TMEM50B: variants seen among roughly 807,000 people sequenced by gnomAD.
The protein encoded by TMEM50B is transmembrane protein 50B.
TMEM50B carries 14 observed loss-of-function variants against 23.4 expected under a neutral mutation model. The ratio of observed to expected loss-of-function variants is 0.60; its 90% CI spans 0.39 to 0.93. The LOEUF (loss-of-function observed/expected upper bound fraction) is 0.93, where lower values mean the gene tolerates loss of function less well. Ranked by LOEUF, TMEM50B falls within the 40% of genes least tolerant of loss-of-function variation. The pLI is 0.00. For synonymous variants in TMEM50B, 64 were observed against 62.3 expected (o/e 1.03, Z -0.13); for missense variants, 159 against 193.0 (o/e 0.82, Z 1.04).
chr21:33,446,232 T>A (rs912812483), downstream of TMEM50B, among the ~76,000 whole-genome samples: 11 of 134,370 alleles, frequency 8.2e-5, no homozygotes, highest in African/African-American at 2.9e-4. Context: ...TTATTTTTTT[T>A]ATTTTTTATT....
chr21:33,473,654 CA>C (rs145070351), intron 1 of TMEM50B, among the ~76,000 whole-genome samples: 1,615 of 118,912 alleles, frequency 0.014, 29 homozygotes, highest in African/African-American at 0.049. Flanking sequence ...GACCTTGTCT[CA>C]AAAAAAAAAA....
At position 33,442,215 on chromosome 21, in the gene TMEM50B, A is replaced by G. The variant is rs546740923; in HGVS notation, c.*2037-2918T>C. On this transcript the variant is annotated intron_variant and NMD_transcript_variant, in intron 7 of 8. Coordinates refer to the TMEM50B transcript ENST00000420455. ...GACTCCACCCCAGCAGCTTCCGGAG[A>G]TGCAGTCATGCCTCCCCACCCTTCA... Among the ~76,000 whole-genome samples, 7 of 152,202 alleles carry G rather than the reference A, an allele frequency of 4.6e-5. 1 individual carries two copies. The highest frequency in any genetic ancestry group is 1.4e-4 in the African/African-American group (6 of 41,512).
At chr21:33,466,404 A>C (rs2084264742) in intron 3 of TMEM50B, among the ~76,000 whole-genome samples, 1 of 152,230 alleles carries the variant, frequency 6.6e-6, no homozygotes, top group Non-Finnish European at 1.5e-5. Context: ...AATTTAATAA[A>C]AACAAAAGCC....
intron 6 of TMEM50B, among the ~76,000 whole-genome samples, chr21:33,453,668 C>T (rs773163530): frequency 6.6e-6 from 1 of 151,962 alleles, no homozygotes; most frequent in African/African-American, 2.4e-5. Context: ...CACAGTACAT[C>T]GTAATCAAAT....
chr21:33,432,975 T>G (rs1601093188), intron 8 of TMEM50B: 2 of 980,952 alleles, frequency 2.0e-6, no homozygotes, highest in South Asian at 2.8e-5. Context: ...AGCCTCCATC[T>G]CCCAGGTTCA....
chr21:33,468,855 G>A lies in TMEM50B; in HGVS notation c.31C>T (p.Pro11Ser). The A allele has an allele frequency of 6.2e-7, 1 of 1,613,456 alleles. No homozygotes were observed. The highest frequency in any genetic ancestry group is 8.5e-7 in the Non-Finnish European group (1 of 1,179,888). Residue 11 changes from proline (P) to serine (S), a missense_variant, in exon 2 of 7, where the codon CCA (proline) becomes TCA (serine). Coordinates refer to ENST00000542230, the MANE Select transcript of TMEM50B (RefSeq NM_006134.7). MAGFLDNFRW[P>S]ECECIDWSER... ...CTCCAGTCAATACATTCACATTCTG[G>A]CCAACGAAAATTATCTAGGAAGCCT...
intron 4 of TMEM50B, among the ~76,000 whole-genome samples, chr21:33,464,291 G>A (rs60635580): frequency 0.034 from 5,069 of 150,626 alleles, 312 homozygotes; most frequent in African/African-American, 0.12. Context: ...TCTGCCTCCC[G>A]GGTTCAAGCG....
chr21:33,478,427 A>G (rs1242136110), intron 1 of TMEM50B, among the ~76,000 whole-genome samples: 3 of 152,150 alleles, frequency 2.0e-5, no homozygotes, highest in Non-Finnish European at 4.4e-5. Context: ...AGATCGGGCC[A>G]CTGTACTTGT....
intron 8 of TMEM50B, among the ~76,000 whole-genome samples, chr21:33,433,477 C>T (rs1341886397): frequency 6.6e-6 from 1 of 152,170 alleles, no homozygotes; most frequent in Non-Finnish European, 1.5e-5. Flanking sequence ...CACACATGGA[C>T]CTTGAGGACA....
At position 33,450,721 on chromosome 21, in the gene TMEM50B, T is replaced by G. The variant is rs1385568627; in HGVS notation, c.*97A>C. 1.1e-6 allele frequency: 1 copy of G among 873,864 alleles called. No individual in the cohort carries two copies. The highest frequency in any genetic ancestry group is 1.8e-6 in the Non-Finnish European group (1 of 555,308). The allele number at this position is 873,864 out of a possible 1,614,324, so 54.1% of individuals were successfully genotyped here. On this transcript the variant is annotated 3_prime_UTR_variant, in exon 7 of 7. Transcript: ENST00000542230. ...AAATGTAAAGAAACAAAACATTTAA[T>G]GTACAATCTACTCCATTTGGCAATG...
At chr21:33,474,949 C>T (rs557018762) in intron 1 of TMEM50B, among the ~76,000 whole-genome samples, 1 of 151,016 alleles carries the variant, frequency 6.6e-6, no homozygotes, top group African/African-American at 2.4e-5. Context: ...ACCCCCAAGA[C>T]AGAGTCTCTC....
chr21:33,467,550 G>A (rs1466066421), intron 2 of TMEM50B, among the ~76,000 whole-genome samples: 1 of 152,186 alleles, frequency 6.6e-6, no homozygotes, highest in Non-Finnish European at 1.5e-5. Flanking sequence ...CTTAAACCCA[G>A]GAGGTGGAGG....
chr21:33,460,248 A>G, intron 5 of TMEM50B, 165 bp downstream of exon 5: 1 of 614,230 alleles, frequency 1.6e-6, no homozygotes, highest in Middle Eastern at 4.2e-4. Context: ...TACTGCACTA[A>G]GTGTTCCCAC....
intron 1 of TMEM50B, among the ~76,000 whole-genome samples, 158 bp downstream of exon 1, chr21:33,479,680 G>A (rs370526490): frequency 1.3e-5 from 2 of 152,158 alleles, no homozygotes; most frequent in African/African-American, 4.8e-5. Flanking sequence ...CGAGTCTGCA[G>A]GCCGGCGCCG....
chr21:33,441,978 G>A (rs1292464258), intron 7 of TMEM50B, among the ~76,000 whole-genome samples: 1 of 150,372 alleles, frequency 6.7e-6, no homozygotes, highest in East Asian at 2.0e-4. Flanking sequence ...AATCCTTCAT[G>A]GCCTTCCCCA....
chr21:33,473,457 GAAAAAA>G (rs35814774), intron 1 of TMEM50B, among the ~76,000 whole-genome samples: 1 of 84,856 alleles, frequency 1.2e-5, no homozygotes, highest in African/African-American at 5.3e-5. Flanking sequence ...TGTCTCGGAA[GAAAAAA>G]AAAAAAAAAA....
At chr21:33,439,757 C>G (rs1050059173) in intron 7 of TMEM50B, among the ~76,000 whole-genome samples, 2 of 151,670 alleles carry the variant, frequency 1.3e-5, no homozygotes, top group African/African-American at 4.8e-5. Flanking sequence ...TTAGTATTTA[C>G]ACTGTCAAGG....
At position 33,449,860 on chromosome 21, in the gene TMEM50B, G is replaced by C. The variant is rs185504461; in HGVS notation, c.*958C>G. On this transcript the variant is annotated 3_prime_UTR_variant, in exon 7 of 7. Transcript: ENST00000542230. ...AGTGGATATTTGAAGCTGCTTTTAC[G>C]AGAAGCATGGTGCTGAGCTGCCTTA... The C allele has an allele frequency of 1.3e-5, 2 of 152,570 alleles. No individual in the cohort carries two copies. The highest frequency in any genetic ancestry group is 4.8e-5 in the African/African-American group (2 of 41,422). The allele number at this position is 152,570 out of a possible 1,614,324, so 9.5% of individuals were successfully genotyped here. A position where few individuals can be genotyped will look rare whatever the true frequency, so the allele number is the denominator to read the frequency against.
At chr21:33,476,651 C>T (rs899274515) in intron 1 of TMEM50B, among the ~76,000 whole-genome samples, 2 of 149,356 alleles carry the variant, frequency 1.3e-5, no homozygotes, top group African/African-American at 4.9e-5. Context: ...GTCCCAGCTT[C>T]TCGGGAGGCT....
Sources: allele counts gnomAD v4.1 joint callset (sites outside exome capture counted in the v4.1 genomes callset), GRCh38; gene constraint gnomAD v4.1.1; transcripts MANE v1.5; gene names NCBI Gene and HGNC (gene_info 2026-07-23, HGNC 2026-07-21).